The following SEMA6D variants were observed in gnomAD, a reference collection of about 807,000 sequenced individuals.
SEMA6D encodes semaphorin 6D.
SEMA6D carries 35 observed loss-of-function variants against 106.6 expected under a neutral mutation model. The ratio of observed to expected loss-of-function variants is 0.33; its 90% CI spans 0.25 to 0.44. The LOEUF (loss-of-function observed/expected upper bound fraction) is 0.44, where lower values mean the gene tolerates loss of function less well. SEMA6D is among the 20% of genes least tolerant of loss of function. SEMA6D has a pLI of 1.00. For missense variants in SEMA6D, 1,185 were observed against 1,345.9 expected (o/e 0.88, Z 1.87); for synonymous variants, 499 against 487.7 (o/e 1.02, Z -0.31).
At chr15:47,370,463 C>T (rs148433249) in intron 1 of SEMA6D, among the ~76,000 whole-genome samples, 35 of 151,674 alleles carry the variant, frequency 2.3e-4, no homozygotes, top group Admixed American at 1.2e-3. Context: ...TGCAGTGAGC[C>T]GACATCGAGC....
chr15:47,717,848 GT>G (rs2079181110), intron 1 of SEMA6D, among the ~76,000 whole-genome samples, 156 bp downstream of exon 1: 1 of 143,462 alleles, frequency 7.0e-6, no homozygotes, highest in African/African-American at 2.6e-5. Context: ...GTGTGTGTGT[GT>G]GTGTGTGTGT....
chr15:47,640,813 A>T (rs1390045342), intron 4 of SEMA6D, among the ~76,000 whole-genome samples: 4 of 152,138 alleles, frequency 2.6e-5, no homozygotes. Flanking sequence ...TATTAACGTT[A>T]AATATGACCA....
At chr15:47,341,518 T>C (rs1194647820) in intron 1 of SEMA6D, among the ~76,000 whole-genome samples, 2 of 152,176 alleles carry the variant, frequency 1.3e-5, no homozygotes, top group African/African-American at 2.4e-5. Context: ...CACTGAGCAA[T>C]TGTATGATTG....
intron 2 of SEMA6D, among the ~76,000 whole-genome samples, chr15:47,451,776 C>T (rs992786086): frequency 2.0e-5 from 3 of 151,854 alleles, no homozygotes; most frequent in Admixed American, 6.6e-5. Flanking sequence ...GATCAGTGGT[C>T]GTGTGAGGCC....
chr15:47,605,784 T>C (rs971920434), intron 4 of SEMA6D, among the ~76,000 whole-genome samples: 2 of 152,180 alleles, frequency 1.3e-5, no homozygotes, highest in African/African-American at 4.8e-5. Context: ...GTTGGAGGCT[T>C]CCATGCACTC....
chr15:47,739,765 G>A (rs2080689537), intron 1 of SEMA6D, among the ~76,000 whole-genome samples: 1 of 152,178 alleles, frequency 6.6e-6, no homozygotes, highest in African/African-American at 2.4e-5. Context: ...CATAGAAGAA[G>A]ATACTGAAAT....
intron 1 of SEMA6D, among the ~76,000 whole-genome samples, chr15:47,306,279 G>C (rs1441456067): frequency 6.6e-6 from 1 of 152,030 alleles, no homozygotes; most frequent in African/African-American, 2.4e-5. Context: ...CACCGCGCCT[G>C]GCCCAATGGT....
chr15:47,435,701 G>A (rs777918515), intron 2 of SEMA6D, among the ~76,000 whole-genome samples: 6 of 151,990 alleles, frequency 3.9e-5, no homozygotes, highest in Non-Finnish European at 7.4e-5. Context: ...CCCTTTCATT[G>A]AGAGCTTAGA....
intron 1 of SEMA6D, among the ~76,000 whole-genome samples, chr15:47,734,381 G>A (rs995966219): frequency 6.6e-6 from 1 of 152,168 alleles, no homozygotes; most frequent in Admixed American, 6.5e-5. Context: ...GTGACCTGGA[G>A]CTGCACTTGG....
chr15:47,393,823 A>G (rs1313886330), intron 1 of SEMA6D, among the ~76,000 whole-genome samples: 2 of 152,168 alleles, frequency 1.3e-5, no homozygotes, highest in Non-Finnish European at 2.9e-5. Context: ...CAATGTTGTC[A>G]TTGTTATTCA....
At position 47,759,757 on chromosome 15, in the gene SEMA6D, C is replaced by A; in HGVS notation, c.-42C>A. Reference sequence around the variant, plus strand: ...TTCTGTTTTCCAGGTAGCTCAGTGGCATTTCTGAGCAGGGGCCACCCTGAC... The same window carrying A: ...TTCTGTTTTCCAGGTAGCTCAGTGGAATTTCTGAGCAGGGGCCACCCTGAC... On this transcript the variant is annotated 5_prime_UTR_variant, in exon 2 of 19. Transcript: ENST00000536845. 1.4e-6 allele frequency: 2 copies of A among 1,409,858 alleles called. No individual in the cohort carries two copies. Among genetic ancestry groups the A allele is most frequent in the Non-Finnish European group, 2.0e-6 (2 of 994,024 alleles). The allele number at this position is 1,409,858 out of a possible 1,614,324, so 87.3% of individuals were successfully genotyped here. A position where few individuals can be genotyped will look rare whatever the true frequency, so the allele number is the denominator to read the frequency against.
At chr15:47,459,786 T>G (rs2042447747) in intron 2 of SEMA6D, among the ~76,000 whole-genome samples, 1 of 152,136 alleles carries the variant, frequency 6.6e-6, no homozygotes, top group Non-Finnish European at 1.5e-5. Context: ...TATTAAATTC[T>G]ACTTAAAAAG....
intron 1 of SEMA6D, among the ~76,000 whole-genome samples, chr15:47,402,780 T>A (rs1224042145): frequency 6.6e-6 from 1 of 151,526 alleles, no homozygotes; most frequent in East Asian, 1.9e-4. Context: ...TATGCATCTT[T>A]ATTTCCCTAG....
chr15:47,234,090 G>A (rs2032386703), intron 1 of SEMA6D, among the ~76,000 whole-genome samples: 1 of 151,858 alleles, frequency 6.6e-6, no homozygotes, highest in Non-Finnish European at 1.5e-5. Flanking sequence ...CAAAACTCTT[G>A]GGAGGAAGGG....
At chr15:47,412,069 C>T (rs1210754735) in intron 1 of SEMA6D, among the ~76,000 whole-genome samples, 1 of 151,988 alleles carries the variant, frequency 6.6e-6, no homozygotes, top group Admixed American at 6.6e-5. Context: ...CTTTTTTCCC[C>T]CACAGAGACC....
chr15:47,540,792 T>G (rs2045331367), intron 3 of SEMA6D, among the ~76,000 whole-genome samples: 1 of 152,056 alleles, frequency 6.6e-6, no homozygotes. Context: ...AAAAGGAAGG[T>G]CAGAGTGAAC....
chr15:47,352,156 T>G (rs1253787805), intron 1 of SEMA6D, among the ~76,000 whole-genome samples: 1 of 152,216 alleles, frequency 6.6e-6, no homozygotes, highest in African/African-American at 2.4e-5. Flanking sequence ...AAACAATGAC[T>G]ACTAAAAATG....
intron 4 of SEMA6D, among the ~76,000 whole-genome samples, chr15:47,613,356 C>A (rs865844447): frequency 6.6e-6 from 1 of 152,248 alleles, no homozygotes; most frequent in Non-Finnish European, 1.5e-5. Context: ...ATTTATTGAG[C>A]CCCTGTATGC....
At chr15:47,615,624 C>T (rs1381286790) in intron 4 of SEMA6D, among the ~76,000 whole-genome samples, 1 of 152,096 alleles carries the variant, frequency 6.6e-6, no homozygotes, top group Non-Finnish European at 1.5e-5. Flanking sequence ...ATAAGGAATA[C>T]CCAAGGGTCA....
Sources: allele counts gnomAD v4.1 joint callset (sites outside exome capture counted in the v4.1 genomes callset), GRCh38; gene constraint gnomAD v4.1.1; transcripts MANE v1.5; gene names NCBI Gene and HGNC (gene_info 2026-07-23, HGNC 2026-07-21).